Variants in ZEB1 observed in about 807,000 individuals in gnomAD.
ZEB1 encodes zinc finger E-box binding homeobox 1.
In ZEB1, 21 loss-of-function variants were observed where a neutral mutation model predicts 84.9. That is an observed-to-expected ratio of 0.25 (90% confidence interval 0.18 to 0.36). The LOEUF is 0.36. Ranked by LOEUF, ZEB1 falls within the 10% of genes least tolerant of loss-of-function variation. The pLI, the probability that ZEB1 is intolerant of heterozygous loss-of-function variation, is 1.00. For missense variants in ZEB1, 1,104 were observed against 1,330.2 expected (o/e 0.83, Z 2.65); for synonymous variants, 420 against 471.1 (o/e 0.89, Z 1.41).
At chr10:31,475,308 C>T (rs1009413326) in intron 2 of ZEB1, among the ~76,000 whole-genome samples, 2 of 151,294 alleles carry the variant, frequency 1.3e-5, no homozygotes, top group African/African-American at 4.9e-5. Context: ...TGTAAAGCTA[C>T]CAAAACTGTG....
rs1404841353 is a variant in ZEB1 at position 31,502,526 on chromosome 10, A to C, written c.484+17A>C. 2 of 1,613,652 alleles carry C rather than the reference A, an allele frequency of 1.2e-6. No homozygotes were observed. Among genetic ancestry groups the C allele is most frequent in the Non-Finnish European group, 1.7e-6 (2 of 1,179,598 alleles). On this transcript the variant is annotated intron_variant, in intron 4 of 8. Coordinates refer to ENST00000424869, the MANE Select transcript of ZEB1 (RefSeq NM_001174096.2). ...ATGAAAATGGTAAATGGATCTTAAC[A>C]GTTGTGTTTCTTTCCCTCTTTAAAG...
chr10:31,387,524 G>A (rs536231745), intron 1 of ZEB1, among the ~76,000 whole-genome samples: 1 of 152,210 alleles, frequency 6.6e-6, no homozygotes, highest in Admixed American at 6.5e-5. Context: ...TTCCAGTTTA[G>A]TCTGCATTTA....
intron 1 of ZEB1, among the ~76,000 whole-genome samples, chr10:31,391,353 AAGGTCTCAAATAT>A (rs1307802417): frequency 6.6e-6 from 1 of 151,744 alleles, no homozygotes; most frequent in African/African-American, 2.4e-5. Context: ...AGTCACCTGA[AAGGTCTCAAATAT>A]AGCTTTCGGT....
Position 31,481,367 on chromosome 10 carries a change from A to G in ZEB1, c.260-14409A>G, listed in dbSNP as rs531956608. On this transcript the variant is annotated intron_variant, in intron 2 of 8. Coordinates refer to ENST00000424869, the MANE Select transcript of ZEB1 (RefSeq NM_001174096.2). Reference sequence around the variant, plus strand: ...GCAGTGACACCCAGTAGTAGTGAACATAGATAATACCCAGATCTAGGATTT... The same window carrying G: ...GCAGTGACACCCAGTAGTAGTGAACGTAGATAATACCCAGATCTAGGATTT... Among the ~76,000 whole-genome samples, 18 of 152,224 alleles carry G rather than the reference A, an allele frequency of 1.2e-4. No homozygotes were observed. In the South Asian group the frequency reaches 2.7e-3, roughly 23 times the overall value.
chr10:31,321,366 T>C (rs2033998891), intron 1 of ZEB1: 2 of 1,534,060 alleles, frequency 1.3e-6, no homozygotes, highest in Admixed American at 4.2e-5. Context: ...AAGACGTCTG[T>C]TGATTATAAA....
At chr10:31,522,108 G>A (rs2072542974) in intron 7 of ZEB1, among the ~76,000 whole-genome samples, 172 bp downstream of exon 7, 1 of 152,090 alleles carries the variant, frequency 6.6e-6, no homozygotes, top group African/African-American at 2.4e-5. Context: ...TCTTCAGTTG[G>A]TTGTTTGCTA....
intron 1 of ZEB1, among the ~76,000 whole-genome samples, chr10:31,408,767 C>T (rs1371047349): frequency 3.2e-4 from 48 of 149,226 alleles, no homozygotes; most frequent in South Asian, 8.5e-4. Flanking sequence ...AAGACTTAAA[C>T]GTTAGACCTA....
chr10:31,451,716 C>T (rs1013022378), intron 1 of ZEB1, among the ~76,000 whole-genome samples: 9 of 152,130 alleles, frequency 5.9e-5, no homozygotes, highest in East Asian at 5.8e-4. Context: ...GTGAGTTGTA[C>T]GAACACTGGC....
intron 1 of ZEB1, among the ~76,000 whole-genome samples, chr10:31,365,662 A>G (rs1259812338): frequency 2.0e-5 from 3 of 152,336 alleles, no homozygotes; most frequent in Middle Eastern, 6.8e-3. Flanking sequence ...TTAAGGAGCT[A>G]TTTAACAGTC....
chr10:31,431,473 G>A (rs917364688), intron 1 of ZEB1, among the ~76,000 whole-genome samples: 3 of 152,132 alleles, frequency 2.0e-5, no homozygotes, highest in African/African-American at 7.2e-5. Flanking sequence ...ACATCCCAGA[G>A]TATGTTGCAG....
chr10:31,472,903 T>C (rs1404210980), intron 2 of ZEB1, among the ~76,000 whole-genome samples: 65 of 120,404 alleles, frequency 5.4e-4, no homozygotes, highest in African/African-American at 1.4e-3. Flanking sequence ...GCTGGTTCAA[T>C]ATACCCAAAT....
Position 31,366,191 on chromosome 10 carries a change from C to CT in ZEB1, c.58+46900dup, listed in dbSNP as rs1365767620. On this transcript the variant is annotated intron_variant, in intron 1 of 8. Coordinates refer to ENST00000424869, the MANE Select transcript of ZEB1 (RefSeq NM_001174096.2). ...CTGAACTTACTTTTTATAGCTCTCA[C>CT]TGTCTACCATCTCCTTCATCTTGAA... 2.6e-5 allele frequency among the ~76,000 whole-genome samples: 4 copies of CT among 152,330 alleles called. 1 individual carries two copies. The highest frequency in any genetic ancestry group is 2.0e-4 in the Admixed American group (3 of 15,308).
intron 1 of ZEB1, among the ~76,000 whole-genome samples, chr10:31,446,812 T>G (rs1238923769): frequency 6.6e-6 from 1 of 150,960 alleles, no homozygotes; most frequent in South Asian, 2.1e-4. Context: ...TTACATTTGC[T>G]GAGGAGAGCT....
chr10:31,506,472 T>C (rs1333094913), intron 4 of ZEB1, among the ~76,000 whole-genome samples: 3 of 152,072 alleles, frequency 2.0e-5, no homozygotes, highest in Non-Finnish European at 4.4e-5. Context: ...ATGTTAAGAA[T>C]TGTTATATCC....
intron 2 of ZEB1, among the ~76,000 whole-genome samples, chr10:31,494,622 A>G (rs567575707): frequency 6.2e-4 from 95 of 152,150 alleles, no homozygotes; most frequent in African/African-American, 2.2e-3. Context: ...GCAGATAAGT[A>G]CACTATTTCG....
intron 1 of ZEB1, among the ~76,000 whole-genome samples, chr10:31,352,277 G>A (rs1258108314): frequency 1.3e-5 from 2 of 152,164 alleles, no homozygotes; most frequent in Non-Finnish European, 2.9e-5. Context: ...AATGTAAAAT[G>A]AGTGTAACTT....
chr10:31,476,719 G>A (rs750154387), intron 2 of ZEB1, among the ~76,000 whole-genome samples: 10 of 152,042 alleles, frequency 6.6e-5, no homozygotes, highest in Non-Finnish European at 8.8e-5. Flanking sequence ...ACAATCAAGT[G>A]TGTTTTATTT....
chr10:31,476,696 A>C (rs1041944073), intron 2 of ZEB1, among the ~76,000 whole-genome samples: 1 of 152,100 alleles, frequency 6.6e-6, no homozygotes, highest in Non-Finnish European at 1.5e-5. Flanking sequence ...GCACATCAAA[A>C]ACAAAATGTA....
chr10:31,465,414 AAAAC>A (rs1222221317), intron 2 of ZEB1, among the ~76,000 whole-genome samples: 1 of 151,696 alleles, frequency 6.6e-6, no homozygotes, highest in Non-Finnish European at 1.5e-5. Flanking sequence ...TTAAAAGAAA[AAAAC>A]TGTGTTAGAT....
Sources: gnomAD v4.1 joint callset for allele counts (sites outside exome capture counted in the v4.1 genomes callset) on GRCh38, gnomAD v4.1.1 for gene constraint, MANE v1.5 for transcripts, NCBI Gene and HGNC (gene_info 2026-07-23, HGNC 2026-07-21) for gene names.